BSDC1: variants seen among roughly 807,000 people sequenced by gnomAD.
BSDC1 encodes BSD domain containing 1, also known as BSD domain-containing protein 1.
A neutral mutation model predicts 56.0 loss-of-function variants in BSDC1; 29 were observed. The ratio of observed to expected loss-of-function variants is 0.52; its 90% CI spans 0.39 to 0.71. BSDC1 has a LOEUF of 0.71. BSDC1 is among the 30% of genes least tolerant of loss of function. The pLI is 0.00. For missense variants in BSDC1, 477 were observed against 548.5 expected (o/e 0.87, Z 1.30); for synonymous variants, 210 against 215.3 (o/e 0.98, Z 0.21).
At chr1:32,375,752 G>C (rs767896452) in intron 9 of BSDC1, among the ~76,000 whole-genome samples, 5 of 152,194 alleles carry the variant, frequency 3.3e-5, no homozygotes, top group African/African-American at 4.8e-5. Flanking sequence ...AGGTTACACA[G>C]GAAGAAGACC....
At chr1:32,381,648 T>G (rs1271590215) in intron 4 of BSDC1, among the ~76,000 whole-genome samples, 1 of 152,198 alleles carries the variant, frequency 6.6e-6, no homozygotes, top group Non-Finnish European at 1.5e-5. Context: ...TCCCTCAAAT[T>G]AAAACCACTC....
intron 10 of BSDC1, 56 bp downstream of exon 10, chr1:32,368,391 C>T (rs1423561799): frequency 6.2e-7 from 1 of 1,614,034 alleles, no homozygotes; most frequent in Non-Finnish European, 8.5e-7. Flanking sequence ...CTGGGGAGAG[C>T]TCTCACACCC....
chr1:32,377,029 G>C lies in BSDC1; in HGVS notation c.677-288C>G, dbSNP rs566497515. Among the ~76,000 whole-genome samples the C allele has an allele frequency of 2.2e-4, 33 of 152,266 alleles. No homozygotes were observed. The Middle Eastern group carries it at 0.014, about 63-fold the overall frequency. ...CACGTGCCTGTAATCCCAGCTACTTGGGAGGCTGAGGCAGGAGAATCGCTT... is the reference window on the plus strand; with the variant it reads ...CACGTGCCTGTAATCCCAGCTACTTCGGAGGCTGAGGCAGGAGAATCGCTT... On this transcript the variant is annotated intron_variant, in intron 8 of 10. Coordinates refer to ENST00000455895, the MANE Select transcript of BSDC1 (RefSeq NM_018045.8).
At chr1:32,372,234 G>C (rs1642118480) in intron 9 of BSDC1, among the ~76,000 whole-genome samples, 1 of 152,216 alleles carries the variant, frequency 6.6e-6, no homozygotes, top group Non-Finnish European at 1.5e-5. Flanking sequence ...CCAAGACCCA[G>C]CTCTTCTGAC....
At position 32,394,133 on chromosome 1, in the gene BSDC1, C is replaced by A; in HGVS notation, c.19G>T (p.Val7Leu). Residue 7 changes from valine to leucine, a missense_variant, in exon 2 of 11, where the codon GTG becomes TTG. Coordinates refer to ENST00000455895, the MANE Select transcript of BSDC1 (RefSeq NM_018045.8). MAEGED[V>L]GWWRSWLQQS... ...TGCAGCCAGCTCCGCCACCATCCCACGTCCTCCCTGTGGAAGACAGACACA... is the reference window on the plus strand; with the variant it reads ...TGCAGCCAGCTCCGCCACCATCCCAAGTCCTCCCTGTGGAAGACAGACACA... The A allele has an allele frequency of 6.2e-7, 1 of 1,609,254 alleles. No homozygotes were observed. The highest frequency in any genetic ancestry group is 8.5e-7 in the Non-Finnish European group (1 of 1,177,932).
At position 32,394,147 on chromosome 1, in the gene BSDC1, A is replaced by C. The variant is rs1278184094; in HGVS notation, c.12-7T>G. On this transcript the variant is annotated splice_polypyrimidine_tract_variant and splice_region_variant and intron_variant, in intron 1 of 10. Transcript: ENST00000455895. The stretch of plus-strand genomic sequence containing the variant: ...CCACCATCCCACGTCCTCCCTGTGG[A>C]AGACAGACACATCTGGCAGCACCGC... 6.2e-7 allele frequency: 1 copy of C among 1,608,032 alleles called. No individual in the cohort carries two copies. The highest frequency in any genetic ancestry group is 1.3e-5 in the African/African-American group (1 of 74,862).
Position 32,378,722 on chromosome 1 carries a change from A to G in BSDC1, c.528+2T>C. On this transcript the variant is annotated splice_donor_variant, in intron 6 of 10. Transcript: ENST00000455895. LOFTEE classifies it high-confidence loss of function. This position sits in a 1 kb window ranked among gnomAD's most constrained non-coding sequence, Gnocchi z 5.2. ...CTGAGGCCCTGCAGGCTGGGCCCTC[A>G]CCATCTTGGTGTAGAGGGCCCGGAT... The G allele has an allele frequency of 6.7e-7, 1 of 1,485,130 alleles. No individual in the cohort carries two copies. Among genetic ancestry groups the G allele is most frequent in the Non-Finnish European group, 9.0e-7 (1 of 1,115,076 alleles). The allele number at this position is 1,485,130 out of a possible 1,614,324, so 92.0% of individuals were successfully genotyped here.
In BSDC1 at chr1:32,378,556, A is replaced by G. The variant is rs1403369925; in HGVS notation, c.528+168T>C. Among the ~76,000 whole-genome samples the G allele has an allele frequency of 6.6e-6, 1 of 152,150 alleles. No homozygotes were observed. The highest frequency in any genetic ancestry group is 1.9e-4 in the East Asian group (1 of 5,188). Reference sequence around the variant, plus strand: ...CTGATTGCCAGAAGCCTGGCAAACCAGCTTCTCCCATGTGGGGTCTTGGCT... The same window carrying G: ...CTGATTGCCAGAAGCCTGGCAAACCGGCTTCTCCCATGTGGGGTCTTGGCT... On this transcript the variant is annotated intron_variant, in intron 6 of 10. Coordinates refer to ENST00000455895, the MANE Select transcript of BSDC1 (RefSeq NM_018045.8). This position sits in a 1 kb window ranked among gnomAD's most constrained non-coding sequence, Gnocchi z 5.2.
intron 2 of BSDC1, among the ~76,000 whole-genome samples, chr1:32,389,972 CAAAAAA>C (rs386366640): frequency 1.4e-5 from 1 of 73,114 alleles, no homozygotes; most frequent in African/African-American, 4.2e-5. Context: ...GACCCTGTCT[CAAAAAA>C]AAAAAAAAAA....
At chr1:32,387,492 C>T (rs1166149855) in intron 2 of BSDC1, among the ~76,000 whole-genome samples, 1 of 152,122 alleles carries the variant, frequency 6.6e-6, no homozygotes, top group African/African-American at 2.4e-5. Context: ...CAGGCATGCG[C>T]CACCACGCCC....
At chr1:32,373,158 T>C (rs1642156721) in intron 9 of BSDC1, among the ~76,000 whole-genome samples, 1 of 152,200 alleles carries the variant, frequency 6.6e-6, no homozygotes, top group Non-Finnish European at 1.5e-5. Context: ...TTCTTCTTTT[T>C]ATTTCTTCTA....
chr1:32,378,785 T>C lies in BSDC1; in HGVS notation c.467A>G (p.Lys156Arg). The C allele has an allele frequency of 3.2e-6, 5 of 1,553,536 alleles. No homozygotes were observed. Among genetic ancestry groups the C allele is most frequent in the Non-Finnish European group, 4.4e-6 (5 of 1,148,242 alleles). ...TACAAGGAGCTCTGAGATCTCCCCC[T>C]TCTTCTCCTCCAAGCAGAACTGGGA... is the stretch of plus-strand genomic sequence containing the variant. ...WLSQFCLEEK[K>R]GEISELLVGS... The change falls in exon 6 of 11, where the codon AAG becomes AGG. Residue 156 changes from lysine to arginine, a missense_variant. Physicochemically the swap from Lys to Arg is conservative, Grantham distance 26. Coordinates refer to ENST00000455895, the MANE Select transcript of BSDC1 (RefSeq NM_018045.8). The surrounding 1 kb of genome is among the most constrained non-coding windows in gnomAD (Gnocchi z 5.2).
intron 9 of BSDC1, 37 bp from the exon 10 acceptor site, chr1:32,368,587 G>A: frequency 1.2e-6 from 2 of 1,612,970 alleles, no homozygotes; most frequent in South Asian, 1.1e-5. Context: ...AGCAGGAGGA[G>A]GCAGGGAAGG....
intron 3 of BSDC1, among the ~76,000 whole-genome samples, chr1:32,385,588 G>A (rs1293864989): frequency 1.3e-5 from 2 of 152,108 alleles, no homozygotes; most frequent in East Asian, 3.9e-4. Context: ...TTAGCTGGGT[G>A]TGGTGGCATG....
At chr1:32,369,312 AATC>A (rs1472008375) in intron 9 of BSDC1, 34 of 1,289,418 alleles carry the variant, frequency 2.6e-5, no homozygotes, top group Non-Finnish European at 3.1e-5. Context: ...TTCCAGAGGA[AATC>A]AACAGTGAAC....
chr1:32,367,710 A>ACT (rs1641903116), intron 10 of BSDC1: 2 of 979,506 alleles, frequency 2.0e-6, no homozygotes, highest in Admixed American at 1.2e-4. Flanking sequence ...GAAGAATAAC[A>ACT]GTACTAAGGC....
intron 10 of BSDC1, 158 bp from the exon 11 acceptor site, chr1:32,366,812 T>C: frequency 7.2e-7 from 1 of 1,385,782 alleles, no homozygotes; most frequent in South Asian, 1.8e-5. Flanking sequence ...TCTTAAGGAA[T>C]GTGTCTGAGG....
chr1:32,387,905 C>A (rs941203145), intron 2 of BSDC1, among the ~76,000 whole-genome samples: 6 of 152,194 alleles, frequency 3.9e-5, no homozygotes, highest in Non-Finnish European at 8.8e-5. Context: ...ATCAGATTCT[C>A]TTGGAGGCCT....
intron 2 of BSDC1, among the ~76,000 whole-genome samples, chr1:32,390,875 C>T (rs193030315): frequency 5.3e-5 from 8 of 152,210 alleles, no homozygotes; most frequent in Admixed American, 4.6e-4. Context: ...TGCATCACTG[C>T]ACTTCAGCTT....
Sources: gnomAD v4.1 joint callset for allele counts (sites outside exome capture counted in the v4.1 genomes callset) on GRCh38, gnomAD v4.1.1 for gene constraint, Gnocchi (gnomAD v3.1) non-coding constraint, MANE v1.5 for transcripts, NCBI Gene and HGNC (gene_info 2026-07-23, HGNC 2026-07-21) for gene names.